The following FNDC3A variants were observed in gnomAD, a reference collection of about 807,000 sequenced individuals.
The protein encoded by FNDC3A is fibronectin type-III domain-containing protein 3A.
FNDC3A carries 32 observed loss-of-function variants against 148.9 expected under a neutral mutation model. The observed-to-expected ratio is 0.21, with a 90% CI of 0.16 to 0.29. The LOEUF is 0.29. FNDC3A is among the 10% of genes least tolerant of loss of function. The pLI, the probability that FNDC3A is intolerant of heterozygous loss-of-function variation, is 1.00. For synonymous variants in FNDC3A, 472 were observed against 473.6 expected (o/e 1.00, Z 0.04); for missense variants, 1,191 against 1,452.8 (o/e 0.82, Z 2.93).
At chr13:49,114,421 C>A (rs1429392588) in intron 3 of FNDC3A, among the ~76,000 whole-genome samples, 4 of 150,704 alleles carry the variant, frequency 2.7e-5, no homozygotes, top group South Asian at 2.1e-4. Context: ...CCCCGCCCCC[C>A]ACCACCCCTA....
intron 2 of FNDC3A, 54 bp from the exon 3 acceptor site, chr13:49,075,235 A>G: frequency 9.6e-7 from 1 of 1,044,008 alleles, no homozygotes; most frequent in Non-Finnish European, 1.5e-6. Context: ...CTATTTTTAT[A>G]TTCTGATTTG....
intron 10 of FNDC3A, among the ~76,000 whole-genome samples, chr13:49,170,176 A>G (rs1160765936): frequency 6.6e-6 from 1 of 152,184 alleles, no homozygotes; most frequent in East Asian, 1.9e-4. Context: ...ACACACAGTA[A>G]TCAACATGGT....
intron 3 of FNDC3A, among the ~76,000 whole-genome samples, chr13:49,091,389 T>C (rs1879183192): frequency 6.6e-6 from 1 of 151,008 alleles, no homozygotes; most frequent in Admixed American, 6.6e-5. Context: ...AAACAGAGAC[T>C]TTAAAACAAC....
In FNDC3A at chr13:49,173,304, G is replaced by A. The variant is rs148211666; in HGVS notation, c.1231-1131G>A. 8.3e-4 allele frequency among the ~76,000 whole-genome samples: 127 copies of A among 152,218 alleles called. No individual in the cohort carries two copies. In the East Asian group the frequency reaches 0.022, roughly 27 times the overall value. On this transcript the variant is annotated intron_variant, in intron 11 of 25. Coordinates refer to ENST00000492622, the MANE Select transcript of FNDC3A (RefSeq NM_001079673.2). ...AGCACAACCAAGTAGATTTTATTCC[G>A]GAAATTCTAAGATAATTTAGAATTA...
intron 11 of FNDC3A, among the ~76,000 whole-genome samples, chr13:49,172,483 C>A (rs1884806858): frequency 6.6e-6 from 1 of 152,108 alleles, no homozygotes; most frequent in African/African-American, 2.4e-5. Context: ...GGGACAAAAT[C>A]AAGGTGTCAG....
At position 49,209,669 on chromosome 13, in the gene FNDC3A, T is replaced by C. The variant is rs1272088101; in HGVS notation, c.*2274T>C. On this transcript the variant is annotated 3_prime_UTR_variant, in exon 26 of 26. Transcript: ENST00000492622. ...AAGTGAAATGTTATGGTCTCCCCTC[T>C]TCCAATGAGCTTAAAACATTTTTCC... The C allele has an allele frequency of 6.6e-6, 1 of 152,530 alleles. No individual in the cohort carries two copies. The highest frequency in any genetic ancestry group is 1.5e-5 in the Non-Finnish European group (1 of 68,032). 9.4% of individuals were successfully genotyped at this position (152,530 alleles called of 1,614,324 possible).
At chr13:49,165,902 G>A (rs1884430084) in intron 8 of FNDC3A, among the ~76,000 whole-genome samples, 1 of 152,080 alleles carries the variant, frequency 6.6e-6, no homozygotes. Context: ...GGTTGGGTGG[G>A]CTCAATCTCA....
At chr13:49,075,893 GTCTT>G (rs1431382448) in intron 3 of FNDC3A, among the ~76,000 whole-genome samples, 1 of 141,604 alleles carries the variant, frequency 7.1e-6, no homozygotes, top group Non-Finnish European at 1.5e-5. Flanking sequence ...TTTTTGGAAA[GTCTT>G]TGTTTAGTGA....
chr13:49,106,612 C>T (rs1044506119), intron 3 of FNDC3A, among the ~76,000 whole-genome samples: 1 of 152,160 alleles, frequency 6.6e-6, no homozygotes, highest in African/African-American at 2.4e-5. Flanking sequence ...CACCCAGCCT[C>T]TCTTTTTTAT....
Position 49,145,761 on chromosome 13 carries a change from ATGT to A in FNDC3A, c.820-13_820-11del, listed in dbSNP as rs1173417164. 6.2e-6 allele frequency: 10 copies of A among 1,611,228 alleles called. No homozygotes were observed. The highest frequency in any genetic ancestry group is 8.5e-6 in the Non-Finnish European group (10 of 1,178,050). On this transcript the variant is annotated splice_polypyrimidine_tract_variant and intron_variant, in intron 7 of 25. Transcript: ENST00000492622. ...TACAGTTGTTTTAAAGAACTTTTAA[ATGT>A]TGTATTTTTACAGGCCTCCGACATC...
intron 1 of FNDC3A, among the ~76,000 whole-genome samples, chr13:49,004,609 A>C (rs542883838): frequency 6.9e-4 from 105 of 152,126 alleles, no homozygotes; most frequent in African/African-American, 2.5e-3. Context: ...TTACCAGTTC[A>C]TCTCCTGAAA....
chr13:49,036,060 C>CT (rs1874470714), intron 2 of FNDC3A, among the ~76,000 whole-genome samples: 1 of 152,060 alleles, frequency 6.6e-6, no homozygotes, highest in Non-Finnish European at 1.5e-5. Context: ...TTTAATAGCA[C>CT]TTTAATGTAT....
intron 3 of FNDC3A, among the ~76,000 whole-genome samples, chr13:49,095,200 T>G (rs182135183): frequency 2.2e-4 from 33 of 152,100 alleles, no homozygotes; most frequent in Non-Finnish European, 3.5e-4. Context: ...CCATGGTGTT[T>G]TTGGTGCAGA....
At chr13:49,127,791 C>T (rs1173448218) in intron 4 of FNDC3A, among the ~76,000 whole-genome samples, 1 of 152,214 alleles carries the variant, frequency 6.6e-6, no homozygotes, top group Non-Finnish European at 1.5e-5. Context: ...CCACAGCCTT[C>T]CTCATCACAT....
chr13:49,088,329 A>G (rs1878949106), intron 3 of FNDC3A, among the ~76,000 whole-genome samples: 1 of 152,154 alleles, frequency 6.6e-6, no homozygotes, highest in African/African-American at 2.4e-5. Flanking sequence ...CCACTTCATC[A>G]TGAAATTACT....
chr13:49,089,151 T>C (rs1240069096), intron 3 of FNDC3A, among the ~76,000 whole-genome samples: 1 of 152,196 alleles, frequency 6.6e-6, no homozygotes, highest in African/African-American at 2.4e-5. Context: ...GTACCTAATA[T>C]TGAACCATAC....
At chr13:49,064,109 G>A (rs938226117) in intron 2 of FNDC3A, among the ~76,000 whole-genome samples, 3 of 152,080 alleles carry the variant, frequency 2.0e-5, no homozygotes, top group African/African-American at 4.8e-5. Context: ...TTGGGAGGCC[G>A]AGGTGGGCAG....
At chr13:49,043,470 G>A (rs1326157955) in intron 2 of FNDC3A, among the ~76,000 whole-genome samples, 6 of 152,018 alleles carry the variant, frequency 3.9e-5, no homozygotes, top group Admixed American at 6.5e-5. Context: ...TGTTCTTTCC[G>A]AGACCATTTA....
chr13:49,177,312 A>G (rs553096182), intron 13 of FNDC3A, among the ~76,000 whole-genome samples: 46 of 152,258 alleles, frequency 3.0e-4, no homozygotes, highest in African/African-American at 9.9e-4. Context: ...AACTGTATTT[A>G]TACACTGCTT....
Sources: allele counts gnomAD v4.1 joint callset (sites outside exome capture counted in the v4.1 genomes callset), GRCh38; gene constraint gnomAD v4.1.1; transcripts MANE v1.5; gene names NCBI Gene and HGNC (gene_info 2026-07-23, HGNC 2026-07-21).